Variants in RASAL2 observed in about 807,000 individuals in gnomAD.
RASAL2 encodes the protein RAS protein activator like 2, also known as ras GTPase-activating protein nGAP.
RASAL2 carries 58 observed loss-of-function variants against 128.9 expected under a neutral mutation model. The observed-to-expected ratio is 0.45, with a 90% CI of 0.36 to 0.56. RASAL2 has a LOEUF of 0.56. Ranked by LOEUF, RASAL2 falls within the 20% of genes least tolerant of loss-of-function variation. RASAL2 has a pLI of 0.00. For synonymous variants in RASAL2, 561 were observed against 580.8 expected (o/e 0.97, Z 0.49); for missense variants, 1,360 against 1,601.6 (o/e 0.85, Z 2.57).
chr1:178,246,498 T>A (rs1350111192), intron 1 of RASAL2, among the ~76,000 whole-genome samples: 1 of 152,182 alleles, frequency 6.6e-6, no homozygotes, highest in East Asian at 1.9e-4. Flanking sequence ...AAATATACAA[T>A]CATGTCGTCT....
chr1:178,464,843 T>C (rs1194292114), intron 15 of RASAL2, among the ~76,000 whole-genome samples: 4 of 147,106 alleles, frequency 2.7e-5, no homozygotes, highest in Admixed American at 6.7e-5. Context: ...TTTTTTTTTT[T>C]TTTTTTTTTT....
rs59978357 is a variant in RASAL2, at chr1:178,259,122, C to CTT, written c.203-24417_203-24416dup. Among the ~76,000 whole-genome samples the CTT allele has an allele frequency of 6.5e-3, 461 of 70,542 alleles. 63 individuals carry two copies. Among genetic ancestry groups the CTT allele is most frequent in the African/African-American group, 0.023 (420 of 18,220 alleles). 46.3% of individuals were successfully genotyped at this position (70,542 alleles called of 152,430 possible). On this transcript the variant is annotated intron_variant, in intron 1 of 17. Coordinates refer to ENST00000367649, the MANE Select transcript of RASAL2 (RefSeq NM_170692.4). ...GGATGTGTAAAGGGCAATGAAACTT[C>CTT]TTTTTTTTTTTTTTTTTTTTTTTTT...
chr1:178,142,132 C>T (rs1660555185), intron 1 of RASAL2, among the ~76,000 whole-genome samples: 1 of 152,144 alleles, frequency 6.6e-6, no homozygotes, highest in African/African-American at 2.4e-5. Flanking sequence ...GGCGCAGATC[C>T]TCTAGAGATT....
intron 5 of RASAL2, among the ~76,000 whole-genome samples, chr1:178,427,418 C>G (rs1389825457): frequency 1.3e-5 from 2 of 152,096 alleles, no homozygotes; most frequent in Non-Finnish European, 2.9e-5. Flanking sequence ...TAAAAACCTT[C>G]ACAGTAATGT....
chr1:178,186,794 C>T (rs1405055062), intron 1 of RASAL2, among the ~76,000 whole-genome samples: 2 of 151,766 alleles, frequency 1.3e-5, no homozygotes, highest in East Asian at 3.9e-4. Context: ...AACATTTCAG[C>T]CTTCTTTCTT....
At chr1:178,435,327 A>C (rs1676186018) in intron 5 of RASAL2, among the ~76,000 whole-genome samples, 2 of 152,150 alleles carry the variant, frequency 1.3e-5, no homozygotes, top group East Asian at 3.9e-4. Flanking sequence ...AGTTAAGCTG[A>C]GAAAATCCAG....
chr1:178,169,520 A>G (rs1661633864), intron 1 of RASAL2, among the ~76,000 whole-genome samples: 2 of 152,152 alleles, frequency 1.3e-5, no homozygotes, highest in Admixed American at 1.3e-4. Context: ...TAAGGATGCT[A>G]ACTATTAAAT....
chr1:178,299,065 A>T (rs1230157169), intron 2 of RASAL2, among the ~76,000 whole-genome samples: 1 of 152,160 alleles, frequency 6.6e-6, no homozygotes, highest in Non-Finnish European at 1.5e-5. Flanking sequence ...TATGCAAATA[A>T]CCGCTTGATA....
chr1:178,300,602 T>C (rs770131250), intron 3 of RASAL2, among the ~76,000 whole-genome samples: 13 of 152,202 alleles, frequency 8.5e-5, no homozygotes, highest in Non-Finnish European at 1.9e-4. Context: ...TATGCTGGAC[T>C]ATGGTTGGAG....
chr1:178,396,723 T>C (rs1184755388), intron 4 of RASAL2, among the ~76,000 whole-genome samples: 1 of 151,970 alleles, frequency 6.6e-6, no homozygotes, highest in Non-Finnish European at 1.5e-5. Flanking sequence ...GTTTCTTTTA[T>C]ATTAAACATC....
chr1:178,426,597 T>C (rs1434568614), intron 5 of RASAL2, among the ~76,000 whole-genome samples: 1 of 151,040 alleles, frequency 6.6e-6, no homozygotes, highest in Non-Finnish European at 1.5e-5. Context: ...CATATCTGAA[T>C]GCTAAGGTTT....
chr1:178,223,161 C>G (rs956209933), intron 1 of RASAL2, among the ~76,000 whole-genome samples: 1 of 152,104 alleles, frequency 6.6e-6, no homozygotes. Context: ...TGTGTGCTTA[C>G]AATTTGCTAA....
chr1:178,218,760 T>A (rs1344967893), intron 1 of RASAL2, among the ~76,000 whole-genome samples: 1 of 152,168 alleles, frequency 6.6e-6, no homozygotes, highest in Non-Finnish European at 1.5e-5. Flanking sequence ...AATGATAGAG[T>A]GCAGTCAGAG....
chr1:178,412,699 T>G (rs1211790023), intron 4 of RASAL2, among the ~76,000 whole-genome samples: 1 of 152,216 alleles, frequency 6.6e-6, no homozygotes, highest in Non-Finnish European at 1.5e-5. Context: ...CCCTCGAAAG[T>G]TTAAATGCAA....
At chr1:178,099,533 C>G (rs1473076564) in intron 1 of RASAL2, among the ~76,000 whole-genome samples, 1 of 152,150 alleles carries the variant, frequency 6.6e-6, no homozygotes, top group Non-Finnish European at 1.5e-5. Flanking sequence ...TATTGTTCTA[C>G]CCTCTATCAT....
At position 178,146,809 on chromosome 1, in the gene RASAL2, C is replaced by G. The variant is rs1033475979; in HGVS notation, c.202+52115C>G. On this transcript the variant is annotated intron_variant, in intron 1 of 17. Coordinates refer to ENST00000367649, the MANE Select transcript of RASAL2 (RefSeq NM_170692.4). ...CTGTGCCATACCATTATTTCTTCAA[C>G]TATTAAAAGCTATTAATTTTCACTG... 2.6e-5 allele frequency among the ~76,000 whole-genome samples: 4 copies of G among 152,202 alleles called. No individual in the cohort carries two copies. The South Asian group carries it at 8.3e-4, about 31-fold the overall frequency.
At chr1:178,291,031 G>C (rs1667259554) in intron 2 of RASAL2, among the ~76,000 whole-genome samples, 1 of 152,074 alleles carries the variant, frequency 6.6e-6, no homozygotes, top group Admixed American at 6.5e-5. Context: ...ATATGGCCTA[G>C]GATGGATTAT....
intron 1 of RASAL2, among the ~76,000 whole-genome samples, chr1:178,207,266 A>G (rs965178555): frequency 6.6e-6 from 1 of 152,190 alleles, no homozygotes; most frequent in African/African-American, 2.4e-5. Context: ...ATGCACACAC[A>G]TATGGGAAAA....
chr1:178,410,957 T>C (rs1193852151), intron 4 of RASAL2, among the ~76,000 whole-genome samples: 2 of 152,172 alleles, frequency 1.3e-5, no homozygotes, highest in Non-Finnish European at 2.9e-5. Flanking sequence ...TGGAAAACAG[T>C]ATAGAGATTC....
Sources: allele counts gnomAD v4.1 joint callset (sites outside exome capture counted in the v4.1 genomes callset), GRCh38; gene constraint gnomAD v4.1.1; transcripts MANE v1.5; gene names NCBI Gene and HGNC (gene_info 2026-07-23, HGNC 2026-07-21).